The following NARS2 variants were observed in gnomAD, a reference collection of about 807,000 sequenced individuals.
NARS2 encodes asparaginyl-tRNA synthetase.
In NARS2, 60 loss-of-function variants were observed where a neutral mutation model predicts 62.9. The observed-to-expected ratio is 0.95, with a 90% CI of 0.77 to 1.18. The LOEUF (loss-of-function observed/expected upper bound fraction) is 1.18. Among genes scored for constraint, NARS2 ranks in the 50% most tolerant of loss-of-function variants. The pLI is 0.00. For synonymous variants in NARS2, 196 were observed against 200.0 expected, an observed-to-expected ratio of 0.98 and a Z score of 0.17; for missense variants, 619 against 576.4, an observed-to-expected ratio of 1.07 and a Z score of -0.76.
At chr11:78,442,184 C>T (rs372287850) in intron 12 of NARS2, among the ~76,000 whole-genome samples, 1 of 152,306 alleles carries the variant, frequency 6.6e-6, no homozygotes, top group East Asian at 1.9e-4. Flanking sequence ...AATCTTTCAA[C>T]AGATGAGGTT....
Position 78,436,757 on chromosome 11 carries a change from A to C in NARS2, c.1347T>G (p.Phe449Leu). ...SVPHGGFGMG[F>L]ERYLQCILGV... is the part of the protein sequence containing the mutation. ...CCAAGATGCACTGCAGGTAGCGTTC[A>C]AATCCCATCCCAAAACCTCCATGTG... The change falls in exon 14 of 14, where the codon TTT becomes TTG. Residue 449 changes from phenylalanine (F) to leucine (L), a missense_variant. Physicochemically the swap from Phe to Leu is conservative, Grantham distance 22 (BLOSUM62 0). Coordinates refer to ENST00000281038, the MANE Select transcript of NARS2 (RefSeq NM_024678.6). The C allele has an allele frequency of 6.2e-7, 1 of 1,614,224 alleles. No homozygotes were observed. Among genetic ancestry groups the C allele is most frequent in the Non-Finnish European group, 8.5e-7 (1 of 1,180,034 alleles).
At position 78,553,523 on chromosome 11, in the gene NARS2, A is replaced by T. The variant is rs570724494; in HGVS notation, c.594+6016T>A. ...AGGCTGGTCTCGAACTCCTGACCTC[A>T]AGTGATCCATCCAACTCGGCCTCCC... On this transcript the variant is annotated intron_variant, in intron 5 of 13. Coordinates refer to ENST00000281038, the MANE Select transcript of NARS2 (RefSeq NM_024678.6). Among the ~76,000 whole-genome samples the T allele has an allele frequency of 4.6e-5, 7 of 152,254 alleles. No individual in the cohort carries two copies. The South Asian group carries it at 1.5e-3, about 32-fold the overall frequency.
intron 6 of NARS2, among the ~76,000 whole-genome samples, chr11:78,499,931 A>C (rs1036781252): frequency 6.6e-6 from 1 of 152,190 alleles, no homozygotes; most frequent in African/African-American, 2.4e-5. Flanking sequence ...AACGGCACTT[A>C]CTCGTGTCGA....
At chr11:78,562,465 T>C (rs899062391) in intron 4 of NARS2, among the ~76,000 whole-genome samples, 1 of 152,110 alleles carries the variant, frequency 6.6e-6, no homozygotes, top group Non-Finnish European at 1.5e-5. Flanking sequence ...ACATAGTCAG[T>C]GGCAGGCTTT....
At chr11:78,488,685 A>C (rs1475623117) in intron 7 of NARS2, among the ~76,000 whole-genome samples, 3 of 152,226 alleles carry the variant, frequency 2.0e-5, no homozygotes, top group Non-Finnish European at 2.9e-5. Flanking sequence ...ACTATAAGAT[A>C]AAGGGGTGAA....
chr11:78,494,404 T>C (rs1019278464), intron 6 of NARS2, among the ~76,000 whole-genome samples: 1 of 151,988 alleles, frequency 6.6e-6, no homozygotes, highest in African/African-American at 2.4e-5. Flanking sequence ...CCAAATAATA[T>C]TAAGATCAGA....
intron 7 of NARS2, among the ~76,000 whole-genome samples, chr11:78,487,042 C>T (rs751771602): frequency 6.6e-6 from 1 of 151,720 alleles, no homozygotes; most frequent in Non-Finnish European, 1.5e-5. Flanking sequence ...TTGAAATGCC[C>T]CCAATTCTGA....
rs1402737603 is a variant in NARS2 at position 78,465,866 on chromosome 11, C to T, written c.1164+10G>A. 6.2e-7 allele frequency: 1 copy of T among 1,613,876 alleles called. No individual in the cohort carries two copies. The highest frequency in any genetic ancestry group is 8.5e-7 in the Non-Finnish European group (1 of 1,179,952). Reference sequence around the variant, plus strand: ...GGACTAACCCCAATTTATTTAGTATCTCTTCTTACCGTGTGCTGAGGGCCA... The same window carrying T: ...GGACTAACCCCAATTTATTTAGTATTTCTTCTTACCGTGTGCTGAGGGCCA... On this transcript the variant is annotated intron_variant, in intron 11 of 13. Coordinates refer to ENST00000281038, the MANE Select transcript of NARS2 (RefSeq NM_024678.6).
At chr11:78,502,823 G>T (rs189090739) in intron 6 of NARS2, among the ~76,000 whole-genome samples, 3 of 152,064 alleles carry the variant, frequency 2.0e-5, no homozygotes, top group Non-Finnish European at 4.4e-5. Flanking sequence ...GTGAAACCCT[G>T]TCTCTACTAA....
At chr11:78,446,702 TA>T (rs1286647602) in intron 11 of NARS2, among the ~76,000 whole-genome samples, 1 of 152,066 alleles carries the variant, frequency 6.6e-6, no homozygotes, top group Non-Finnish European at 1.5e-5. Flanking sequence ...CAAAATGGAT[TA>T]AAGATTTAAA....
intron 6 of NARS2, among the ~76,000 whole-genome samples, chr11:78,498,479 T>C (rs1860148859): frequency 6.6e-6 from 1 of 152,146 alleles, no homozygotes; most frequent in African/African-American, 2.4e-5. Flanking sequence ...GCCAATGATT[T>C]CAGTTAACTA....
chr11:78,494,475 T>TC (rs1409819447), intron 6 of NARS2, among the ~76,000 whole-genome samples: 1 of 148,808 alleles, frequency 6.7e-6, no homozygotes, highest in African/African-American at 2.5e-5. Flanking sequence ...TTTTCTTTTT[T>TC]TTTTTTTTTT....
intron 10 of NARS2, among the ~76,000 whole-genome samples, chr11:78,466,290 C>A (rs1210614761): frequency 7.6e-6 from 1 of 131,836 alleles, no homozygotes; most frequent in Non-Finnish European, 1.6e-5. Context: ...CAGGAGCAGA[C>A]AATACAGCAC....
chr11:78,525,422 T>G (rs1469596106), intron 6 of NARS2, among the ~76,000 whole-genome samples: 1 of 152,080 alleles, frequency 6.6e-6, no homozygotes, highest in African/African-American at 2.4e-5. Context: ...TTAGTCAAAG[T>G]ACAGGGGCGT....
intron 11 of NARS2, among the ~76,000 whole-genome samples, chr11:78,449,847 CATA>C (rs911399946): frequency 1.3e-5 from 2 of 152,256 alleles, no homozygotes; most frequent in African/African-American, 4.8e-5. Flanking sequence ...AAGAGGGGAA[CATA>C]ATAATCCCTG....
intron 6 of NARS2, among the ~76,000 whole-genome samples, chr11:78,522,156 G>A (rs1352028952): frequency 2.1e-5 from 3 of 142,556 alleles, no homozygotes; most frequent in Non-Finnish European, 3.0e-5. Context: ...ATAAGGTTTC[G>A]TGTGTTGCCC....
At chr11:78,472,664 A>C (rs1319360881) in intron 9 of NARS2, among the ~76,000 whole-genome samples, 1 of 152,234 alleles carries the variant, frequency 6.6e-6, no homozygotes, top group Non-Finnish European at 1.5e-5. Context: ...GTCACATGGT[A>C]TCTATACAGA....
intron 11 of NARS2, among the ~76,000 whole-genome samples, chr11:78,451,352 A>G (rs1471413367): frequency 6.6e-6 from 1 of 152,212 alleles, no homozygotes. Flanking sequence ...TTACTAGAAA[A>G]ACTACCTCTT....
At chr11:78,442,844 T>C (rs1857617282) in intron 12 of NARS2, among the ~76,000 whole-genome samples, 1 of 152,212 alleles carries the variant, frequency 6.6e-6, no homozygotes, top group South Asian at 2.1e-4. Flanking sequence ...GTTATTCAAA[T>C]AGCTAAATCA....
Sources: allele counts gnomAD v4.1 joint callset (sites outside exome capture counted in the v4.1 genomes callset), GRCh38; gene constraint gnomAD v4.1.1; transcripts MANE v1.5; gene names NCBI Gene and HGNC (gene_info 2026-07-23, HGNC 2026-07-21).